SLC24A2: variants seen among roughly 807,000 people sequenced by gnomAD.
SLC24A2 encodes solute carrier family 24 member 2.
SLC24A2 carries 36 observed loss-of-function variants against 62.0 expected under a neutral mutation model. That is an observed-to-expected ratio of 0.58 (90% CI 0.44 to 0.77). The LOEUF (loss-of-function observed/expected upper bound fraction) is 0.77. Among genes scored for constraint, SLC24A2 ranks in the 30% least tolerant of loss-of-function variants. SLC24A2 has a pLI of 0.00. For missense variants in SLC24A2, 846 were observed against 817.9 expected (o/e 1.03, Z -0.42); for synonymous variants, 358 against 294.0 (o/e 1.22, Z -2.23).
chr9:20,025,973 T>C, the SLC24A2 span, among the ~76,000 whole-genome samples: 1 of 152,194 alleles, frequency 6.6e-6, no homozygotes, highest in Non-Finnish European at 1.5e-5. Flanking sequence ...ATCACCATGA[T>C]AGTAAGGAAT....
chr9:20,202,050 G>GGAGT, the SLC24A2 span, among the ~76,000 whole-genome samples: 2 of 141,680 alleles, frequency 1.4e-5, no homozygotes, highest in African/African-American at 2.6e-5. Flanking sequence ...CCCATTTCAT[G>GGAGT]GTGTGTGTGT....
the SLC24A2 span, among the ~76,000 whole-genome samples, chr9:20,271,182 C>A: frequency 6.6e-6 from 1 of 152,214 alleles, no homozygotes; most frequent in Non-Finnish European, 1.5e-5. Flanking sequence ...CCTCTCCCAT[C>A]TAAATTAATT....
At chr9:19,738,037 C>A (rs925606213) in intron 2 of SLC24A2, among the ~76,000 whole-genome samples, 2 of 152,096 alleles carry the variant, frequency 1.3e-5, no homozygotes, top group African/African-American at 4.8e-5. Flanking sequence ...GAATAACTTG[C>A]TGATCTTCAA....
chr9:19,615,189 G>T (rs1425769975), intron 4 of SLC24A2, among the ~76,000 whole-genome samples: 1 of 152,206 alleles, frequency 6.6e-6, no homozygotes, highest in Non-Finnish European at 1.5e-5. Context: ...ATGTGTTTCT[G>T]TAGGCCATCT....
the SLC24A2 span, among the ~76,000 whole-genome samples, chr9:20,131,084 A>T: frequency 6.6e-6 from 1 of 151,240 alleles, no homozygotes; most frequent in Non-Finnish European, 1.5e-5. Flanking sequence ...AAATACCCAG[A>T]TCCAGAAACT....
At chr9:19,521,481 C>G (rs1320121263) in intron 9 of SLC24A2, among the ~76,000 whole-genome samples, 1 of 152,182 alleles carries the variant, frequency 6.6e-6, no homozygotes, top group Non-Finnish European at 1.5e-5. Flanking sequence ...GACTGACACC[C>G]AGGGTCTCCA....
At chr9:19,547,062 T>A (rs1834615203) in intron 8 of SLC24A2, among the ~76,000 whole-genome samples, 1 of 152,152 alleles carries the variant, frequency 6.6e-6, no homozygotes, top group African/African-American at 2.4e-5. Context: ...CTGGAGCTGT[T>A]CCTATTTGGC....
the SLC24A2 span, among the ~76,000 whole-genome samples, chr9:20,234,834 GT>G: frequency 6.6e-6 from 1 of 152,250 alleles, no homozygotes; most frequent in Admixed American, 6.5e-5. Context: ...TTTCTGCTCT[GT>G]TTTTTTCCCA....
the SLC24A2 span, among the ~76,000 whole-genome samples, chr9:19,879,442 T>A: frequency 6.6e-6 from 1 of 152,234 alleles, no homozygotes; most frequent in Non-Finnish European, 1.5e-5. Context: ...AAATACCTGG[T>A]GTAGTCATTA....
At chr9:20,155,403 G>A in the SLC24A2 span, among the ~76,000 whole-genome samples, 1 of 151,588 alleles carries the variant, frequency 6.6e-6, no homozygotes, top group Non-Finnish European at 1.5e-5. Flanking sequence ...TCTTCCCTTG[G>A]CTGAATTTAT....
the SLC24A2 span, among the ~76,000 whole-genome samples, chr9:19,842,324 A>G: frequency 6.6e-6 from 1 of 152,204 alleles, no homozygotes; most frequent in Non-Finnish European, 1.5e-5. Context: ...GTCTTACTAC[A>G]TACTCCATGA....
intron 2 of SLC24A2, among the ~76,000 whole-genome samples, chr9:19,742,133 T>C (rs1009678714): frequency 2.6e-5 from 4 of 152,148 alleles, no homozygotes; most frequent in Non-Finnish European, 4.4e-5. Context: ...TCAGAAGCAA[T>C]TGCCATAAAA....
At chr9:19,938,426 C>T in the SLC24A2 span, among the ~76,000 whole-genome samples, 3 of 152,298 alleles carry the variant, frequency 2.0e-5, no homozygotes, top group South Asian at 6.2e-4. Flanking sequence ...TACCATTTGT[C>T]TTCCCAATAC....
chr9:19,688,553 C>G (rs1322932637), intron 2 of SLC24A2, among the ~76,000 whole-genome samples: 1 of 147,552 alleles, frequency 6.8e-6, no homozygotes, highest in East Asian at 1.9e-4. Flanking sequence ...AATAAACAAA[C>G]AAAGAAAAAG....
At chr9:20,210,637 CTTTTTTTTTTTTTTTTTTTTTTTT>C in the SLC24A2 span, among the ~76,000 whole-genome samples, 2 of 80,870 alleles carry the variant, frequency 2.5e-5, no homozygotes, top group African/African-American at 5.7e-5. Context: ...CAACGCCCGG[CTTTTTTTTTTTTTTTTTTTTTTTT>C]TTTTTTTTTT....
chr9:19,829,832 C>G, the SLC24A2 span, among the ~76,000 whole-genome samples: 1 of 137,030 alleles, frequency 7.3e-6, no homozygotes, highest in Non-Finnish European at 1.6e-5. Context: ...CACACACACA[C>G]ACACACACAT....
At chr9:19,834,212 A>T in the SLC24A2 span, among the ~76,000 whole-genome samples, 1 of 152,208 alleles carries the variant, frequency 6.6e-6, no homozygotes, top group Non-Finnish European at 1.5e-5. Flanking sequence ...GCAATGGAAC[A>T]AAGCTGGATG....
rs1334320259 is a variant in SLC24A2 at position 19,510,975 on chromosome 9, G to C, written c.*5178C>G. On this transcript the variant is annotated 3_prime_UTR_variant, in exon 11 of 11. Transcript: ENST00000341998. ...GTGGAGTTTGGGTGGTTCTGAGCAA[G>C]GCTGGTGCCCCATGTGTGAGGAAGG... 6.6e-6 allele frequency: 1 copy of C among 152,202 alleles called. No homozygotes were observed. Among genetic ancestry groups the C allele is most frequent in the African/African-American group, 2.4e-5 (1 of 41,436 alleles). 9.4% of individuals were successfully genotyped at this position (152,202 alleles called of 1,614,324 possible). A position where few individuals can be genotyped will look rare whatever the true frequency, so the allele number is the denominator to read the frequency against.
chr9:20,019,028 A>T, the SLC24A2 span, among the ~76,000 whole-genome samples: 6 of 150,966 alleles, frequency 4.0e-5, no homozygotes, highest in Non-Finnish European at 7.4e-5. Flanking sequence ...ATGCCACAAC[A>T]CTCCTAGCCT....
Sources: allele counts gnomAD v4.1 joint callset (sites outside exome capture counted in the v4.1 genomes callset), GRCh38; gene constraint gnomAD v4.1.1; transcripts MANE v1.5; gene names NCBI Gene and HGNC (gene_info 2026-07-23, HGNC 2026-07-21).